Variants in ZNG1A observed in about 807,000 individuals in gnomAD.
ZNG1A encodes the protein Zn regulated GTPase metalloprotein activator 1A.
the ZNG1A span, chr9:154,900 C>A: frequency 6.1e-6 from 7 of 1,152,730 alleles, no homozygotes; most frequent in Non-Finnish European, 7.4e-6. Flanking sequence ...TAAATAAAAA[C>A]GCCTCATGTA....
At chr9:138,167 A>T in the ZNG1A span, among the ~76,000 whole-genome samples, 3 of 152,178 alleles carry the variant, frequency 2.0e-5, no homozygotes, top group African/African-American at 7.2e-5. Context: ...AAATACCTTT[A>T]TAATTTTAAC....
chr9:156,561 A>T, the ZNG1A span: 1 of 1,590,748 alleles, frequency 6.3e-7, no homozygotes, highest in South Asian at 1.1e-5. Context: ...AAGTTACTAT[A>T]ATACAATAAA....
chr9:178,628 G>C, the ZNG1A span, among the ~76,000 whole-genome samples: 2 of 108,740 alleles, frequency 1.8e-5, 1 homozygote, highest in Non-Finnish European at 4.6e-5. Context: ...AACGCAGAGG[G>C]GGCCGGGCAT....
At chr9:141,566 G>T in the ZNG1A span, among the ~76,000 whole-genome samples, 1 of 150,934 alleles carries the variant, frequency 6.6e-6, no homozygotes, top group Non-Finnish European at 1.5e-5. Context: ...AGGAACAACC[G>T]GTACCAGCCG....
At chr9:177,138 C>T in the ZNG1A span, among the ~76,000 whole-genome samples, 1 of 152,150 alleles carries the variant, frequency 6.6e-6, no homozygotes, top group African/African-American at 2.4e-5. Flanking sequence ...ACACTTGGCA[C>T]CTTTGAAGTA....
At chr9:166,660 CAAG>C in the ZNG1A span, 7 of 152,428 alleles carry the variant, frequency 4.6e-5, no homozygotes, top group African/African-American at 9.7e-5. Flanking sequence ...AGCTCAAAAG[CAAG>C]AAGAAGCAGA....
the ZNG1A span, among the ~76,000 whole-genome samples, chr9:129,357 G>C: frequency 6.6e-6 from 1 of 151,884 alleles, no homozygotes; most frequent in Non-Finnish European, 1.5e-5. Context: ...AATTGAACTT[G>C]CAAATGTGAG....
chr9:132,245 C>T, the ZNG1A span, among the ~76,000 whole-genome samples: 5 of 148,812 alleles, frequency 3.4e-5, no homozygotes, highest in South Asian at 2.1e-4. Context: ...ACATTGAGGC[C>T]GGGCACAGTG....
At chr9:178,441 G>A in the ZNG1A span, among the ~76,000 whole-genome samples, 1 of 124,520 alleles carries the variant, frequency 8.0e-6, no homozygotes, top group Non-Finnish European at 1.9e-5. Context: ...CAGGTAGGTG[G>A]TTCCGGCCCT....
the ZNG1A span, chr9:150,614 T>A: frequency 1.0e-6 from 1 of 983,170 alleles, no homozygotes; most frequent in African/African-American, 1.8e-5. Flanking sequence ...AGTCCCTAGA[T>A]TCTCAGATGC....
the ZNG1A span, among the ~76,000 whole-genome samples, chr9:176,509 C>G: frequency 1.3e-5 from 2 of 151,442 alleles, no homozygotes; most frequent in Admixed American, 6.6e-5. Context: ...ATTAAGTTTT[C>G]TAGTATATAA....
At chr9:163,450 C>T in the ZNG1A span, among the ~76,000 whole-genome samples, 1 of 152,042 alleles carries the variant, frequency 6.6e-6, no homozygotes, top group Admixed American at 6.5e-5. Flanking sequence ...TTAGTGGAAG[C>T]ACTAAATTGG....
the ZNG1A span, among the ~76,000 whole-genome samples, chr9:129,418 C>CT: frequency 6.6e-6 from 1 of 150,376 alleles, no homozygotes; most frequent in Non-Finnish European, 1.5e-5. Context: ...TAACAACCAC[C>CT]TAAATGTCCA....
the ZNG1A span, among the ~76,000 whole-genome samples, chr9:141,941 A>C: frequency 1.3e-5 from 2 of 151,180 alleles, no homozygotes; most frequent in African/African-American, 2.4e-5. Flanking sequence ...AAAAGAGACA[A>C]AGAAGGCCAT....
the ZNG1A span, chr9:154,930 A>T: frequency 1.1e-6 from 1 of 894,370 alleles, no homozygotes; most frequent in Non-Finnish European, 1.7e-6. Flanking sequence ...ATCAGTTAAG[A>T]ATTATCTAGT....
the ZNG1A span, among the ~76,000 whole-genome samples, chr9:165,539 T>C: frequency 6.7e-4 from 89 of 133,488 alleles, no homozygotes; most frequent in African/African-American, 2.0e-3. Context: ...GGCTCTCAAA[T>C]CAGGGTGCTT....
the ZNG1A span, chr9:121,752 G>C: frequency 9.3e-7 from 1 of 1,080,056 alleles, no homozygotes; most frequent in Non-Finnish European, 1.3e-6. Flanking sequence ...ATTGGTCCTT[G>C]GATTAACCAC....
chr9:135,195 T>C, the ZNG1A span, among the ~76,000 whole-genome samples: 5 of 150,868 alleles, frequency 3.3e-5, no homozygotes, highest in Non-Finnish European at 7.4e-5. Context: ...AGAGAAAAGC[T>C]GGCAGATTAA....
At chr9:161,889 A>T in the ZNG1A span, among the ~76,000 whole-genome samples, 4 of 151,436 alleles carry the variant, frequency 2.6e-5, no homozygotes, top group Non-Finnish European at 4.4e-5. Flanking sequence ...GTATATCCTG[A>T]TTTTCTTCAA....
Sources: allele counts gnomAD v4.1 joint callset (sites outside exome capture counted in the v4.1 genomes callset), GRCh38; gene constraint gnomAD v4.1.1; transcripts MANE v1.5; gene names NCBI Gene and HGNC (gene_info 2026-07-23, HGNC 2026-07-21).